Variants in PARL observed in about 807,000 individuals in gnomAD.
PARL encodes the protein presenilin-associated rhomboid-like protein, mitochondrial.
In PARL, 44 loss-of-function variants were observed where a neutral mutation model predicts 51.6. That is an observed-to-expected ratio of 0.85 (90% CI 0.67 to 1.10). The LOEUF (loss-of-function observed/expected upper bound fraction) is 1.10. Among genes scored for constraint, PARL ranks in the 50% least tolerant of loss-of-function variants. The probability of loss-of-function intolerance (pLI) is 0.00; values close to 1 mark genes in which losing one functional copy is unlikely to be tolerated. For missense variants in PARL, 441 were observed against 469.5 expected (o/e 0.94, Z 0.56); for synonymous variants, 172 against 164.0 (o/e 1.05, Z -0.37).
intron 1 of PARL, among the ~76,000 whole-genome samples, chr3:183,878,551 T>C (rs1734100962): frequency 6.6e-6 from 1 of 152,282 alleles, no homozygotes; most frequent in Non-Finnish European, 1.5e-5. Context: ...ACACCATGGC[T>C]CTACCTCATA....
chr3:183,835,157 T>C (rs1217266177), intron 7 of PARL, among the ~76,000 whole-genome samples: 2 of 75,424 alleles, frequency 2.7e-5, no homozygotes, highest in Admixed American at 1.6e-4. Flanking sequence ...ATGAATGAGA[T>C]GTTTAAAAAA....
intron 9 of PARL, among the ~76,000 whole-genome samples, chr3:183,832,614 G>A (rs745855881): frequency 2.0e-5 from 3 of 152,326 alleles, no homozygotes; most frequent in South Asian, 4.1e-4. Flanking sequence ...CAACATTTAT[G>A]TAAGAAAAGA....
intron 1 of PARL, among the ~76,000 whole-genome samples, chr3:183,878,791 T>C (rs1331257480): frequency 2.0e-5 from 3 of 152,054 alleles, no homozygotes; most frequent in Admixed American, 6.6e-5. Flanking sequence ...AAATTAGGGG[T>C]TGTCAAACTG....
At chr3:183,856,795 T>A (rs1390355610) in intron 4 of PARL, among the ~76,000 whole-genome samples, 1 of 152,276 alleles carries the variant, frequency 6.6e-6, no homozygotes, top group Non-Finnish European at 1.5e-5. Context: ...ATTTATACTC[T>A]GTACATTGTT....
intron 3 of PARL, 47 bp from the exon 4 acceptor site, chr3:183,862,848 C>A (rs368920211): frequency 2.3e-5 from 34 of 1,508,332 alleles, no homozygotes; most frequent in Non-Finnish European, 3.0e-5. Flanking sequence ...AAATTTCAGG[C>A]TACAAAAATG....
At chr3:183,829,818 T>C (rs1727713867) in intron 9 of PARL, 109 bp from the exon 10 acceptor site, 2 of 862,926 alleles carry the variant, frequency 2.3e-6, no homozygotes, top group South Asian at 2.7e-5. Context: ...TGCCACTCAC[T>C]ATGTAGCCGA....
intron 4 of PARL, among the ~76,000 whole-genome samples, chr3:183,847,568 T>C (rs1166996133): frequency 6.7e-6 from 1 of 148,978 alleles, no homozygotes; most frequent in Non-Finnish European, 1.5e-5. Flanking sequence ...TGTCTCAAAA[T>C]AAATAAATAA....
chr3:183,882,326 TACACATATATAC>T (rs1734637489), intron 1 of PARL, among the ~76,000 whole-genome samples: 1 of 128,140 alleles, frequency 7.8e-6, no homozygotes, highest in African/African-American at 2.8e-5. Flanking sequence ...CACACATATA[TACACATATATAC>T]ACACACATAT....
At chr3:183,841,369 A>AT (rs1183587996) in intron 6 of PARL, among the ~76,000 whole-genome samples, 2 of 152,218 alleles carry the variant, frequency 1.3e-5, no homozygotes, top group Non-Finnish European at 2.9e-5. Flanking sequence ...CTAGATACAC[A>AT]TAAGTATTCG....
intron 1 of PARL, among the ~76,000 whole-genome samples, chr3:183,882,271 A>T (rs183324073): frequency 0.044 from 4,463 of 101,316 alleles, 261 homozygotes; most frequent in East Asian, 0.07. Flanking sequence ...ATATATATTT[A>T]TATATATATA....
intron 4 of PARL, among the ~76,000 whole-genome samples, chr3:183,857,198 G>A (rs746688292): frequency 4.6e-5 from 7 of 152,180 alleles, no homozygotes; most frequent in Non-Finnish European, 1.0e-4. Flanking sequence ...GCAGTGAGCC[G>A]TGATCATGCC....
At chr3:183,868,737 T>C (rs550486990) in intron 1 of PARL, among the ~76,000 whole-genome samples, 1 of 152,350 alleles carries the variant, frequency 6.6e-6, no homozygotes, top group East Asian at 1.9e-4. Flanking sequence ...GAATGACTTC[T>C]GGTTTTTTGT....
chr3:183,851,166 T>C (rs547337932), intron 4 of PARL, among the ~76,000 whole-genome samples: 2 of 152,298 alleles, frequency 1.3e-5, no homozygotes, highest in South Asian at 4.1e-4. Flanking sequence ...ATTAATCAAA[T>C]GCCTAAATTT....
At chr3:183,864,975 C>A (rs191740002) in intron 3 of PARL, among the ~76,000 whole-genome samples, 3 of 146,576 alleles carry the variant, frequency 2.0e-5, no homozygotes, top group East Asian at 4.0e-4. Flanking sequence ...GTATTTACCA[C>A]AGGTGTGTAA....
At position 183,853,101 on chromosome 3, in the gene PARL, C is replaced by T. The variant is rs148626290; in HGVS notation, c.512-8775G>A. 2.6e-3 allele frequency among the ~76,000 whole-genome samples: 403 copies of T among 152,182 alleles called. 1 individual carries two copies. Among genetic ancestry groups the T allele is most frequent in the African/African-American group, 9.4e-3 (391 of 41,538 alleles). ...TTTCTTGGCTATGACACCAAAGGCA[C>T]AGGCAACAAAAGAAAAAATAGACAA... is the stretch of plus-strand genomic sequence containing the variant. On this transcript the variant is annotated intron_variant, in intron 4 of 9. Transcript: ENST00000317096.
chr3:183,862,736 T>C lies in PARL; in HGVS notation c.511+17A>G, dbSNP rs370323598. 79 of 1,606,532 alleles carry C rather than the reference T, an allele frequency of 4.9e-5. No individual in the cohort carries two copies. Among genetic ancestry groups the C allele is most frequent in the Non-Finnish European group, 6.2e-5 (73 of 1,173,062 alleles). On this transcript the variant is annotated intron_variant, in intron 4 of 9. Coordinates refer to ENST00000317096, the MANE Select transcript of PARL (RefSeq NM_018622.7). ...TCTCTTCCCTTGAATGGTTAAAACG[T>C]GTAAGCTAACACAAACCTGTCACAG...
downstream of PARL, among the ~76,000 whole-genome samples, chr3:183,828,260 A>G (rs1410242120): frequency 6.6e-6 from 1 of 152,252 alleles, no homozygotes; most frequent in Non-Finnish European, 1.5e-5. Context: ...GTCTGCCCAA[A>G]GCACGATGTG....
At chr3:183,876,633 A>AAAAG (rs1733870678) in intron 1 of PARL, among the ~76,000 whole-genome samples, 1 of 97,344 alleles carries the variant, frequency 1.0e-5, no homozygotes. Context: ...AAAAAAAAAA[A>AAAAG]AAAAAGAAAA....
intron 1 of PARL, among the ~76,000 whole-genome samples, chr3:183,882,368 TAC>T (rs1264756700): frequency 1.3e-4 from 18 of 141,100 alleles, no homozygotes; most frequent in South Asian, 8.9e-4. Context: ...TGCACATATA[TAC>T]ACACACATAT....
Sources: gnomAD v4.1 joint callset for allele counts (sites outside exome capture counted in the v4.1 genomes callset) on GRCh38, gnomAD v4.1.1 for gene constraint, MANE v1.5 for transcripts, NCBI Gene and HGNC (gene_info 2026-07-23, HGNC 2026-07-21) for gene names.